Variants in PTPRT observed in about 807,000 individuals in gnomAD.
The protein encoded by PTPRT is receptor-type tyrosine-protein phosphatase T.
In PTPRT, 56 loss-of-function variants were observed where a neutral mutation model predicts 176.8. The observed-to-expected ratio is 0.32, with a 90% CI of 0.26 to 0.40. The LOEUF (loss-of-function observed/expected upper bound fraction) is 0.40. Among genes scored for constraint, PTPRT ranks in the 10% least tolerant of loss-of-function variants. PTPRT has a pLI of 1.00. For synonymous variants in PTPRT, 783 were observed against 739.0 expected, an observed-to-expected ratio of 1.06 and a Z score of -0.96; for missense variants, 1,540 against 1,908.2, an observed-to-expected ratio of 0.81 and a Z score of 3.60.
chr20:42,729,319 A>G (rs969067455), intron 6 of PTPRT, among the ~76,000 whole-genome samples: 6 of 152,278 alleles, frequency 3.9e-5, no homozygotes, highest in African/African-American at 1.4e-4. Context: ...AAAAGGGGAG[A>G]AAAAAACAGA....
chr20:43,029,074 C>T (rs564647804), intron 1 of PTPRT, among the ~76,000 whole-genome samples: 20 of 152,224 alleles, frequency 1.3e-4, no homozygotes, highest in Non-Finnish European at 2.9e-4. Flanking sequence ...CCCAGAGGTA[C>T]AAGCTTTGAA....
intron 1 of PTPRT, among the ~76,000 whole-genome samples, chr20:43,051,625 T>TAAAAAAAAAAAAAAAAAAA (rs35885799): frequency 2.2e-5 from 2 of 91,950 alleles, no homozygotes; most frequent in African/African-American, 1.1e-4. Flanking sequence ...TCTGTAACTG[T>TAAAAAAAAAAAAAAAAAAA]AAAAAAAAAA....
At chr20:42,214,867 C>T (rs1600687325) in intron 15 of PTPRT, among the ~76,000 whole-genome samples, 1 of 152,342 alleles carries the variant, frequency 6.6e-6, no homozygotes, top group East Asian at 1.9e-4. Flanking sequence ...TGGAGCCACA[C>T]TGCCTAGACT....
chr20:42,631,570 A>G (rs2074406187), intron 7 of PTPRT, among the ~76,000 whole-genome samples: 1 of 152,190 alleles, frequency 6.6e-6, no homozygotes. Flanking sequence ...GGTAGGCCCA[A>G]TAACATCTTC....
At chr20:42,370,649 G>T (rs938482517) in intron 9 of PTPRT, among the ~76,000 whole-genome samples, 6 of 152,148 alleles carry the variant, frequency 3.9e-5, no homozygotes, top group African/African-American at 1.4e-4. Context: ...TCAGAATGGG[G>T]AATAACTGAG....
intron 1 of PTPRT, among the ~76,000 whole-genome samples, chr20:43,165,123 G>A (rs2014819743): frequency 6.6e-6 from 1 of 151,454 alleles, no homozygotes; most frequent in African/African-American, 2.4e-5. Context: ...CACAAGATCT[G>A]ATGGTTTTAG....
chr20:42,863,447 G>C (rs2078695329), intron 2 of PTPRT, among the ~76,000 whole-genome samples: 2 of 152,198 alleles, frequency 1.3e-5, no homozygotes, highest in South Asian at 4.1e-4. Context: ...GTCTAGCCTT[G>C]TATTTGGAGA....
intron 16 of PTPRT, among the ~76,000 whole-genome samples, chr20:42,168,617 C>T (rs6030026): frequency 1.3e-5 from 2 of 152,012 alleles, no homozygotes; most frequent in African/African-American, 4.8e-5. Context: ...ATTTCAACTG[C>T]TAAAAATTTC....
chr20:42,376,154 G>A (rs1039002737), intron 9 of PTPRT, among the ~76,000 whole-genome samples: 7 of 152,174 alleles, frequency 4.6e-5, no homozygotes, highest in East Asian at 1.9e-4. Flanking sequence ...AAAAAGATAC[G>A]AGCTTGCCGG....
intron 7 of PTPRT, chr20:42,607,664 C>A (rs958173724): frequency 1.3e-5 from 2 of 152,296 alleles, no homozygotes; most frequent in Non-Finnish European, 2.9e-5. Context: ...AAGAACAAAA[C>A]AAGCCCTGAA....
chr20:42,095,871 C>T (rs1048278569), intron 27 of PTPRT, among the ~76,000 whole-genome samples: 10 of 152,276 alleles, frequency 6.6e-5, no homozygotes, highest in South Asian at 2.1e-4. Context: ...AGACTCTCTC[C>T]GGAACGTCTC....
chr20:42,628,325 G>A (rs1472223693), intron 7 of PTPRT, among the ~76,000 whole-genome samples: 1 of 152,120 alleles, frequency 6.6e-6, no homozygotes, highest in Non-Finnish European at 1.5e-5. Flanking sequence ...GATGCCACAA[G>A]TCTCTGCAGC....
chr20:42,423,273 T>A (rs773481572), intron 9 of PTPRT, among the ~76,000 whole-genome samples: 7 of 151,550 alleles, frequency 4.6e-5, no homozygotes, highest in Non-Finnish European at 1.0e-4. Context: ...ATAGTATCCC[T>A]TTCCACCATG....
At chr20:43,131,550 T>C (rs998052765) in intron 1 of PTPRT, among the ~76,000 whole-genome samples, 1 of 152,376 alleles carries the variant, frequency 6.6e-6, no homozygotes. Flanking sequence ...GTTACTTACT[T>C]ACTTTCTATT....
At chr20:42,926,919 A>G (rs1004686893) in intron 1 of PTPRT, among the ~76,000 whole-genome samples, 1 of 152,114 alleles carries the variant, frequency 6.6e-6, no homozygotes, top group Non-Finnish European at 1.5e-5. Flanking sequence ...GGGTCACTTC[A>G]ACTCCTGCTC....
chr20:42,678,097 T>G lies in PTPRT; in HGVS notation c.922A>C (p.Lys308Gln). The G allele has an allele frequency of 6.2e-7, 1 of 1,614,154 alleles. No homozygotes were observed. Among genetic ancestry groups the G allele is most frequent in the East Asian group, 2.2e-5 (1 of 44,856 alleles). ...LAVGATYLWI[K>Q]PNANSIIGDG... is the part of the protein sequence containing the mutation. Reference sequence around the variant, plus strand: ...CCGATGATGGAGTTGGCATTTGGCTTGATCCACAGGTATGTGGCCCCCACA... The same window carrying G: ...CCGATGATGGAGTTGGCATTTGGCTGGATCCACAGGTATGTGGCCCCCACA... Residue 308 changes from lysine (K) to glutamine (Q), a missense_variant, in exon 7 of 31, where the codon AAG becomes CAG. Lys to Gln is a moderately conservative substitution (Grantham distance 53, BLOSUM62 1). Coordinates refer to ENST00000373187, the MANE Select transcript of PTPRT (RefSeq NM_007050.6).
chr20:42,303,105 C>G (rs568531146), intron 12 of PTPRT, among the ~76,000 whole-genome samples: 1 of 152,160 alleles, frequency 6.6e-6, no homozygotes, highest in Non-Finnish European at 1.5e-5. Context: ...CTGGCAACCC[C>G]CTGGTTTAAA....
At position 42,312,158 on chromosome 20, in the gene PTPRT, C is replaced by T. The variant is rs73909269; in HGVS notation, c.2139+3565G>A. On this transcript the variant is annotated intron_variant, in intron 12 of 30. Coordinates refer to ENST00000373187, the MANE Select transcript of PTPRT (RefSeq NM_007050.6). Reference sequence around the variant, plus strand: ...TAGTTTTATGCTCACTGTAGGTCTTCGTATTCCACATTTCTCAATTCTTGA... The same window carrying T: ...TAGTTTTATGCTCACTGTAGGTCTTTGTATTCCACATTTCTCAATTCTTGA... Among the ~76,000 whole-genome samples, 638 of 152,296 alleles carry T rather than the reference C, an allele frequency of 4.2e-3. 3 individuals carry two copies. Among genetic ancestry groups the T allele is most frequent in the African/African-American group, 0.014 (594 of 41,572 alleles).
chr20:42,543,350 G>T (rs978861354), intron 7 of PTPRT, among the ~76,000 whole-genome samples: 7 of 152,134 alleles, frequency 4.6e-5, no homozygotes, highest in African/African-American at 1.7e-4. Context: ...ATCAATAAAA[G>T]ATTCCATCTC....
Sources: allele counts gnomAD v4.1 joint callset (sites outside exome capture counted in the v4.1 genomes callset), GRCh38; gene constraint gnomAD v4.1.1; transcripts MANE v1.5; gene names NCBI Gene and HGNC (gene_info 2026-07-23, HGNC 2026-07-21).